The following KPNA5 variants were observed in gnomAD, a reference collection of about 807,000 sequenced individuals.
KPNA5 encodes the protein importin subunit alpha-6.
A neutral mutation model predicts 71.3 loss-of-function variants in KPNA5; 46 were observed. That is an observed-to-expected ratio of 0.65 (90% CI 0.51 to 0.83). The LOEUF is 0.83. KPNA5 is among the 40% of genes least tolerant of loss of function. The pLI, the probability that KPNA5 is intolerant of heterozygous loss-of-function variation, is 0.00. For missense variants in KPNA5, 547 were observed against 628.3 expected, an observed-to-expected ratio of 0.87 and a Z score of 1.38; for synonymous variants, 207 against 201.4, an observed-to-expected ratio of 1.03 and a Z score of -0.24.
intron 10 of KPNA5, 52 bp from the exon 11 acceptor site, chr6:116,725,699 A>G (rs1295412219): frequency 2.8e-6 from 4 of 1,444,044 alleles, no homozygotes; most frequent in East Asian, 2.4e-5. Context: ...GTAGATTTTC[A>G]TATAGGTTAT....
rs202191262 is a variant in KPNA5, at chr6:116,732,129, A to G, written c.1433-7A>G. On this transcript the variant is annotated splice_region_variant and splice_polypyrimidine_tract_variant and intron_variant, in intron 13 of 13. Transcript: ENST00000368564. ...ATATATATATATATATATACTTTGT[A>G]TAACAGGTCTGGATAAAATTGAGTT... The G allele has an allele frequency of 8.5e-6, 7 of 826,496 alleles. No individual in the cohort carries two copies. The highest frequency in any genetic ancestry group is 3.4e-5 in the South Asian group (2 of 59,470). 51.2% of individuals were successfully genotyped at this position (826,496 alleles called of 1,614,324 possible).
chr6:116,691,691 G>A (rs1260412660), intron 2 of KPNA5, among the ~76,000 whole-genome samples: 1 of 152,116 alleles, frequency 6.6e-6, no homozygotes, highest in African/African-American at 2.4e-5. Context: ...CAACAGATGT[G>A]CTTTTTAAGT....
rs372799499 is a variant in KPNA5, at chr6:116,702,178, G to A, written c.567+28G>A. The A allele has an allele frequency of 8.8e-6, 14 of 1,589,326 alleles. No individual in the cohort carries two copies. The East Asian group carries it at 9.0e-5, about 10-fold the overall frequency. On this transcript the variant is annotated intron_variant, in intron 6 of 13. Coordinates refer to ENST00000368564, the MANE Select transcript of KPNA5 (RefSeq NM_001366306.2). ...ACGTCTCTAATTTGTATTGTTGTAT[G>A]TACTAGAATTCAGTTTTCTCTTGAA...
chr6:116,716,758 A>AT (rs1778903794), intron 8 of KPNA5, among the ~76,000 whole-genome samples: 3 of 152,162 alleles, frequency 2.0e-5, no homozygotes, highest in Admixed American at 2.0e-4. Context: ...GTTTAGTTGT[A>AT]TTGTTTAAGA....
At chr6:116,728,289 G>T (rs1779354645) in intron 12 of KPNA5, among the ~76,000 whole-genome samples, 2 of 151,834 alleles carry the variant, frequency 1.3e-5, no homozygotes, top group African/African-American at 4.8e-5. Flanking sequence ...AATTTTTGTG[G>T]TTATATCTAT....
chr6:116,720,110 A>T (rs1417288646), intron 8 of KPNA5, among the ~76,000 whole-genome samples: 1 of 152,142 alleles, frequency 6.6e-6, no homozygotes, highest in Admixed American at 6.5e-5. Context: ...TAGGGACCCA[A>T]AGTCTATCCT....
At chr6:116,708,802 T>C (rs1778542790) in intron 7 of KPNA5, among the ~76,000 whole-genome samples, 1 of 152,204 alleles carries the variant, frequency 6.6e-6, no homozygotes, top group African/African-American at 2.4e-5. Context: ...TTTATTTAAT[T>C]TGAGACAGGG....
intron 6 of KPNA5, among the ~76,000 whole-genome samples, 188 bp from the exon 7 acceptor site, chr6:116,704,883 CT>C (rs1778376343): frequency 6.6e-6 from 1 of 152,124 alleles, no homozygotes; most frequent in South Asian, 2.1e-4. Context: ...AGCTGGAAAA[CT>C]TTTTAAATGT....
chr6:116,700,131 G>A (rs1374974697), intron 5 of KPNA5, among the ~76,000 whole-genome samples: 1 of 152,110 alleles, frequency 6.6e-6, no homozygotes, highest in African/African-American at 2.4e-5. Flanking sequence ...ACTGAAAAGA[G>A]GAAAATTAAT....
At chr6:116,724,455 A>G in intron 10 of KPNA5, 80 bp downstream of exon 10, 3 of 876,596 alleles carry the variant, frequency 3.4e-6, no homozygotes, top group Non-Finnish European at 5.6e-6. Context: ...TTGATTACAT[A>G]TTAATCAAGA....
intron 1 of KPNA5, among the ~76,000 whole-genome samples, chr6:116,684,005 C>T (rs879662304): frequency 3.4e-5 from 5 of 145,014 alleles, no homozygotes; most frequent in Admixed American, 2.9e-4. Flanking sequence ...CTCTGCCTCC[C>T]GAGTTCAAGC....
chr6:116,697,660 A>G (rs1048528558), intron 4 of KPNA5, among the ~76,000 whole-genome samples: 3 of 152,046 alleles, frequency 2.0e-5, no homozygotes, highest in African/African-American at 7.2e-5. Flanking sequence ...AAATAGAGGA[A>G]GTAAGAAGAA....
rs73765834 is a variant in KPNA5, at chr6:116,692,284, G to A, written c.241-9G>A. ...AAATGTTAATTATATTTTTGTGTGT[G>A]TGTTTTAGGAAGAAGTTGTTACTAC... is the stretch of plus-strand genomic sequence containing the variant. On this transcript the variant is annotated splice_polypyrimidine_tract_variant and intron_variant, in intron 3 of 13. Coordinates refer to ENST00000368564, the MANE Select transcript of KPNA5 (RefSeq NM_001366306.2). 14,687 of 1,535,210 alleles carry A rather than the reference G, an allele frequency of 9.6e-3. 627 individuals are homozygous for A. The African/African-American group carries it at 0.11, about 11-fold the overall frequency.
chr6:116,729,872 T>C (rs546381954), intron 13 of KPNA5, 131 bp downstream of exon 13: 23 of 478,324 alleles, frequency 4.8e-5, no homozygotes, highest in Non-Finnish European at 6.5e-5. Flanking sequence ...ATGTCACCCG[T>C]AATTTTATTA....
chr6:116,695,318 C>T (rs904851992), intron 4 of KPNA5, among the ~76,000 whole-genome samples: 2 of 151,886 alleles, frequency 1.3e-5, no homozygotes, highest in South Asian at 2.1e-4. Context: ...AATATTTTGC[C>T]TTATTTATTG....
rs1038681079 is a variant in KPNA5, at chr6:116,740,074, G to A, written c.*7751G>A. The A allele has an allele frequency of 4.6e-5, 7 of 151,720 alleles. No individual in the cohort carries two copies. Among genetic ancestry groups the A allele is most frequent in the African/African-American group, 1.5e-4 (6 of 41,290 alleles). The allele number at this position is 151,720 out of a possible 1,614,324, so 9.4% of individuals were successfully genotyped here. On this transcript the variant is annotated 3_prime_UTR_variant, in exon 14 of 14. Coordinates refer to ENST00000368564, the MANE Select transcript of KPNA5 (RefSeq NM_001366306.2). ...AGTGAACAGGCAACCTACAAAATGG[G>A]AGAAAATTTTCACAACCTACTCATC...
rs369247923 is a variant in KPNA5 at position 116,721,690 on chromosome 6, C to T, written c.757-436C>T. On this transcript the variant is annotated intron_variant, in intron 8 of 13. Transcript: ENST00000368564. ...CTTCACAAATATATTTATTTTTGTA[C>T]TTTCTGTACCTTAGTTCCTCAAATG... Among the ~76,000 whole-genome samples the T allele has an allele frequency of 8.5e-5, 13 of 152,140 alleles. No homozygotes were observed. The East Asian group carries it at 1.5e-3, about 18-fold the overall frequency.
chr6:116,705,071 G>T lies in KPNA5; in HGVS notation c.568-1G>T. ...TTAAGATAATTTTTTTTTTTCCTAAGGCTGTTTGGGCACTTGGTAATATTG... is the reference window on the plus strand; with the variant it reads ...TTAAGATAATTTTTTTTTTTCCTAATGCTGTTTGGGCACTTGGTAATATTG... On this transcript the variant is annotated splice_acceptor_variant, in intron 6 of 13. Transcript: ENST00000368564. LOFTEE classifies it high-confidence loss of function. 1 of 1,602,894 alleles carries T rather than the reference G, an allele frequency of 6.2e-7. No homozygotes were observed. The highest frequency in any genetic ancestry group is 1.1e-5 in the South Asian group (1 of 88,730).
At chr6:116,713,813 TCA>T in intron 7 of KPNA5, among the ~76,000 whole-genome samples, 1 of 152,298 alleles carries the variant, frequency 6.6e-6, no homozygotes, top group East Asian at 1.9e-4. Flanking sequence ...CAATCTGCTG[TCA>T]AACCCCTATA....
Sources: allele counts gnomAD v4.1 joint callset (sites outside exome capture counted in the v4.1 genomes callset), GRCh38; gene constraint gnomAD v4.1.1; transcripts MANE v1.5; gene names NCBI Gene and HGNC (gene_info 2026-07-23, HGNC 2026-07-21).